The following SAR1B variants were observed in gnomAD, a reference collection of about 807,000 sequenced individuals.
SAR1B encodes secretion associated Ras related GTPase 1B.
In SAR1B, 23 loss-of-function variants were observed where a neutral mutation model predicts 26.8. The observed-to-expected ratio is 0.86, with a 90% CI of 0.62 to 1.22. The LOEUF (loss-of-function observed/expected upper bound fraction) is 1.22, where lower values mean the gene tolerates loss of function less well. SAR1B is among the 50% of genes most tolerant of loss of function. SAR1B has a pLI of 0.00. For missense variants in SAR1B, 196 were observed against 232.8 expected, an observed-to-expected ratio of 0.84 and a Z score of 1.03; for synonymous variants, 65 against 80.8, an observed-to-expected ratio of 0.80 and a Z score of 1.05.
At chr5:134,626,941 A>G (rs185762878) in intron 1 of SAR1B, among the ~76,000 whole-genome samples, 2 of 152,368 alleles carry the variant, frequency 1.3e-5, no homozygotes, top group East Asian at 3.9e-4. Context: ...ATTTTATGGT[A>G]TATCAACTAT....
chr5:134,612,187 G>C (rs1267303939), intron 4 of SAR1B, among the ~76,000 whole-genome samples: 1 of 152,142 alleles, frequency 6.6e-6, no homozygotes, highest in Non-Finnish European at 1.5e-5. Flanking sequence ...GATTATGACA[G>C]TGAGAGGTAG....
intron 3 of SAR1B, among the ~76,000 whole-genome samples, chr5:134,618,657 T>C (rs188463348): frequency 2.7e-4 from 41 of 152,364 alleles, no homozygotes; most frequent in Non-Finnish European, 4.4e-4. Context: ...AACTTTATTC[T>C]CAAATTCGTT....
At chr5:134,631,443 G>A (rs1317722207) in intron 1 of SAR1B, among the ~76,000 whole-genome samples, 3 of 152,146 alleles carry the variant, frequency 2.0e-5, no homozygotes, top group African/African-American at 7.2e-5. Context: ...TCTGTAAAAT[G>A]ACAGCTAGTG....
chr5:134,626,298 C>CAAAAAAAAAAAAAAA (rs35668627), intron 1 of SAR1B, among the ~76,000 whole-genome samples: 1 of 53,114 alleles, frequency 1.9e-5, no homozygotes, highest in Non-Finnish European at 3.6e-5. Context: ...GACTCTGCCT[C>CAAAAAAAAAAAAAAA]AAAAAAAAAA....
intron 6 of SAR1B, 56 bp downstream of exon 6, chr5:134,608,316 A>G: frequency 6.7e-7 from 1 of 1,487,416 alleles, no homozygotes; most frequent in African/African-American, 1.4e-5. Context: ...TAATTTAAGA[A>G]GACATTTGTA....
At chr5:134,628,086 C>G (rs188787242) in intron 1 of SAR1B, among the ~76,000 whole-genome samples, 7 of 151,768 alleles carry the variant, frequency 4.6e-5, no homozygotes, top group African/African-American at 1.7e-4. Context: ...TTGCAGTGAG[C>G]CGAGATCGTG....
chr5:134,615,911 TG>T (rs1447978283), intron 3 of SAR1B, among the ~76,000 whole-genome samples: 1 of 148,948 alleles, frequency 6.7e-6, no homozygotes, highest in Non-Finnish European at 1.5e-5. Context: ...CCGAGGCGGG[TG>T]GATCACTTGA....
intron 3 of SAR1B, chr5:134,613,025 C>G: frequency 2.1e-6 from 1 of 465,964 alleles, no homozygotes; most frequent in Non-Finnish European, 3.8e-6. Flanking sequence ...CTGGTCCAAG[C>G]AAGCATTAGG....
intron 3 of SAR1B, among the ~76,000 whole-genome samples, chr5:134,618,651 T>C (rs1276767515): frequency 6.6e-6 from 1 of 152,228 alleles, no homozygotes; most frequent in African/African-American, 2.4e-5. Flanking sequence ...AACATTAACT[T>C]TATTCTCAAA....
intron 1 of SAR1B, among the ~76,000 whole-genome samples, chr5:134,632,477 G>C (rs1038674683): frequency 6.6e-6 from 1 of 152,142 alleles, no homozygotes; most frequent in African/African-American, 2.4e-5. Flanking sequence ...CAGCCACCTC[G>C]TTCTTTCCTG....
In SAR1B at chr5:134,628,721, CTT is replaced by C. The variant is rs1765542749; in HGVS notation, c.-19+4005_-19+4006del. On this transcript the variant is annotated intron_variant, in intron 1 of 6. Transcript: ENST00000402673. ...CCAGGCTGGAGTGCAGTGGCACAATCTTGGCTCACTGCAACCTCCACCTCCTG... is the reference window on the plus strand; with the variant it reads ...CCAGGCTGGAGTGCAGTGGCACAATCGGCTCACTGCAACCTCCACCTCCTG... Among the ~76,000 whole-genome samples, 7 of 152,014 alleles carry C rather than the reference CTT, an allele frequency of 4.6e-5. No individual in the cohort carries two copies. In the South Asian group the frequency reaches 1.4e-3, roughly 31 times the overall value.
At chr5:134,624,536 G>A (rs1765464368) in intron 1 of SAR1B, among the ~76,000 whole-genome samples, 1 of 152,006 alleles carries the variant, frequency 6.6e-6, no homozygotes, top group Non-Finnish European at 1.5e-5. Flanking sequence ...AGGTGAGGCA[G>A]TGAGGAGAGA....
At chr5:134,623,904 A>T (rs1179712839) in intron 2 of SAR1B, 58 bp downstream of exon 2, 1 of 1,104,526 alleles carries the variant, frequency 9.1e-7, no homozygotes, top group Non-Finnish European at 1.4e-6. Context: ...ACAGATAAGC[A>T]CTATTAAATA....
In SAR1B at chr5:134,624,004, C is replaced by G; in HGVS notation, c.16G>C (p.Asp6His). ...CTGCTGAAACCACTGTAAATCCAAT[C>G]AAATATGAAGGACATATCCAAATCT... MSFIFDWIYSGFSSVL... is the reference protein window; with the variant it reads MSFIFHWIYSGFSSVL... The change falls in exon 2 of 7, where the codon GAT (aspartate) becomes CAT (histidine). Residue 6 changes from aspartate (D) to histidine (H), a missense_variant. Asp to His is a moderately conservative substitution (Grantham distance 81). Transcript: ENST00000402673. The G allele has an allele frequency of 6.2e-7, 1 of 1,611,382 alleles. No homozygotes were observed. Among genetic ancestry groups the G allele is most frequent in the Non-Finnish European group, 8.5e-7 (1 of 1,177,648 alleles).
rs943290064 is a variant in SAR1B, at chr5:134,605,531, A to G, written c.*1419T>C. ...TCTAAAAACAAAAGTCAGGTCAGGC[A>G]TGGTAGCTCACGCCTATAATCCCAG... On this transcript the variant is annotated 3_prime_UTR_variant, in exon 7 of 7. Transcript: ENST00000402673. 3.3e-5 allele frequency: 5 copies of G among 152,066 alleles called. No individual in the cohort carries two copies. Among genetic ancestry groups the G allele is most frequent in the Non-Finnish European group, 7.4e-5 (5 of 68,002 alleles). The allele number at this position is 152,066 out of a possible 1,614,324, so 9.4% of individuals were successfully genotyped here.
In SAR1B at chr5:134,602,177, A is replaced by G. The variant is rs1478195585; in HGVS notation, c.*4773T>C. ...ATTTGGGGCAGGGGACACACCTGAA[A>G]CAAAGTTGGCTTTGGATAACTTCGC... On this transcript the variant is annotated 3_prime_UTR_variant, in exon 7 of 7. Transcript: ENST00000402673. The G allele has an allele frequency of 6.6e-6, 1 of 152,240 alleles. No individual in the cohort carries two copies. 9.4% of individuals were successfully genotyped at this position (152,240 alleles called of 1,614,324 possible).
chr5:134,618,599 C>A (rs1765351114), intron 3 of SAR1B, among the ~76,000 whole-genome samples: 1 of 152,202 alleles, frequency 6.6e-6, no homozygotes, highest in South Asian at 2.1e-4. Context: ...AGTAAGGTCA[C>A]AGGTTAAATT....
chr5:134,603,146 C>A lies in SAR1B; in HGVS notation c.*3804G>T, dbSNP rs909475623. On this transcript the variant is annotated 3_prime_UTR_variant, in exon 7 of 7. Transcript: ENST00000402673. ...AACAATATGCTCCAAATTAAATGAA[C>A]AGAAGGAATTTTGAGAGATTTCCCC... 2.0e-5 allele frequency: 3 copies of A among 152,108 alleles called. No homozygotes were observed. The highest frequency in any genetic ancestry group is 7.2e-5 in the African/African-American group (3 of 41,426). The allele number at this position is 152,108 out of a possible 1,614,324, so 9.4% of individuals were successfully genotyped here.
In SAR1B at chr5:134,615,812, G is replaced by A. The variant is rs142225751; in HGVS notation, c.179-3056C>T. The stretch of plus-strand genomic sequence containing the variant: ...AGCCTGGGCGACAGAGCAAGACTCC[G>A]TCTCAAAAAATAACAATAATAAATA... On this transcript the variant is annotated intron_variant, in intron 3 of 6. Coordinates refer to ENST00000402673, the MANE Select transcript of SAR1B (RefSeq NM_016103.4). Among the ~76,000 whole-genome samples, 201 of 149,684 alleles carry A rather than the reference G, an allele frequency of 1.3e-3. 1 individual carries two copies. The highest frequency in any genetic ancestry group is 4.8e-3 in the African/African-American group (193 of 40,604).
Sources: allele counts gnomAD v4.1 joint callset (sites outside exome capture counted in the v4.1 genomes callset), GRCh38; gene constraint gnomAD v4.1.1; transcripts MANE v1.5; gene names NCBI Gene and HGNC (gene_info 2026-07-23, HGNC 2026-07-21).